DGKI: variants seen among roughly 807,000 people sequenced by gnomAD.
DGKI encodes the protein diacylglycerol kinase iota.
Under a neutral mutation model 147.5 loss-of-function variants are expected in DGKI, and 55 were observed. That is an observed-to-expected ratio of 0.37 (90% CI 0.30 to 0.47). DGKI has a LOEUF of 0.47. Among genes scored for constraint, DGKI ranks in the 20% least tolerant of loss-of-function variants. The probability of loss-of-function intolerance (pLI) is 1.00; values close to 1 mark genes in which losing one functional copy is unlikely to be tolerated. For missense variants in DGKI, 1,007 were observed against 1,323.8 expected (o/e 0.76, Z 3.71); for synonymous variants, 469 against 477.1 (o/e 0.98, Z 0.22).
At chr7:137,579,854 T>A (rs1819127526) in intron 15 of DGKI, among the ~76,000 whole-genome samples, 1 of 152,172 alleles carries the variant, frequency 6.6e-6, no homozygotes, top group Admixed American at 6.5e-5. Flanking sequence ...CATATAAATG[T>A]ACATGTTCAT....
At chr7:137,597,388 T>C (rs1343823090) in intron 12 of DGKI, among the ~76,000 whole-genome samples, 1 of 151,874 alleles carries the variant, frequency 6.6e-6, no homozygotes, top group African/African-American at 2.4e-5. Flanking sequence ...AGAACATAAA[T>C]AGGACCAATT....
chr7:137,395,531 A>G (rs989640969), intron 32 of DGKI, 67 bp downstream of exon 32: 10 of 1,475,712 alleles, frequency 6.8e-6, no homozygotes, highest in Non-Finnish European at 9.5e-6. Context: ...CTATGGTCAC[A>G]AGCAAAGGCA....
chr7:137,764,257 A>T (rs561662231), intron 1 of DGKI, among the ~76,000 whole-genome samples: 26 of 150,526 alleles, frequency 1.7e-4, no homozygotes, highest in South Asian at 1.7e-3. Flanking sequence ...TCCTGAGCAC[A>T]CCAGAATTAT....
At chr7:137,643,027 C>T (rs2129007441) in intron 6 of DGKI, among the ~76,000 whole-genome samples, 1 of 150,284 alleles carries the variant, frequency 6.7e-6, no homozygotes, top group South Asian at 2.1e-4. Context: ...CGCGGTGGCT[C>T]ATGCCTATAA....
intron 2 of DGKI, among the ~76,000 whole-genome samples, chr7:137,689,035 T>C (rs747504597): frequency 5.3e-5 from 8 of 152,322 alleles, no homozygotes; most frequent in Middle Eastern, 3.4e-3. Context: ...AATGCTATAA[T>C]ACAGAGGATA....
intron 19 of DGKI, among the ~76,000 whole-genome samples, chr7:137,555,377 T>A (rs932227583): frequency 6.6e-6 from 1 of 151,814 alleles, no homozygotes; most frequent in South Asian, 2.1e-4. Context: ...AATTTAAAAA[T>A]CAGCTGAGGA....
chr7:137,557,558 G>A (rs1012081204), intron 19 of DGKI, among the ~76,000 whole-genome samples: 3 of 152,108 alleles, frequency 2.0e-5, no homozygotes, highest in Non-Finnish European at 2.9e-5. Context: ...CATACACAAA[G>A]GAACAAGAAA....
chr7:137,558,109 A>T (rs969224206), intron 19 of DGKI, among the ~76,000 whole-genome samples: 3 of 152,198 alleles, frequency 2.0e-5, no homozygotes, highest in Non-Finnish European at 4.4e-5. Flanking sequence ...CTAGTCACCA[A>T]AATGAGAAAT....
chr7:137,592,750 T>C (rs1044706130), intron 12 of DGKI, among the ~76,000 whole-genome samples: 1 of 152,236 alleles, frequency 6.6e-6, no homozygotes, highest in Non-Finnish European at 1.5e-5. Flanking sequence ...CCCTTTTGAA[T>C]ATGTGCACAA....
At chr7:137,656,367 G>T (rs963377743) in intron 4 of DGKI, 99 bp downstream of exon 4, 59 of 1,229,832 alleles carry the variant, frequency 4.8e-5, no homozygotes, top group Non-Finnish European at 5.0e-5. Flanking sequence ...TTTTTTAAGG[G>T]CATTGTTTTC....
intron 28 of DGKI, among the ~76,000 whole-genome samples, chr7:137,441,850 T>C (rs1348171975): frequency 6.6e-6 from 1 of 152,232 alleles, no homozygotes; most frequent in Admixed American, 6.5e-5. Flanking sequence ...TCACCTCTCC[T>C]ACAAGTGTGT....
At chr7:137,738,724 T>A (rs555332393) in intron 1 of DGKI, among the ~76,000 whole-genome samples, 3 of 145,486 alleles carry the variant, frequency 2.1e-5, no homozygotes, top group African/African-American at 5.1e-5. Flanking sequence ...AAGATGAGGT[T>A]CCCCCCCCCC....
intron 6 of DGKI, among the ~76,000 whole-genome samples, chr7:137,628,409 A>G (rs1433491722): frequency 3.3e-5 from 5 of 152,190 alleles, no homozygotes; most frequent in Non-Finnish European, 7.3e-5. Flanking sequence ...CGGGCTTATC[A>G]TCTAACACAG....
chr7:137,818,271 A>C (rs1797795486), intron 1 of DGKI, among the ~76,000 whole-genome samples: 1 of 152,230 alleles, frequency 6.6e-6, no homozygotes, highest in Non-Finnish European at 1.5e-5. Context: ...AAGTTCAATA[A>C]GCATAAACTA....
rs1166840282 is a variant in DGKI at position 137,386,213 on chromosome 7, G to C, written c.*5007C>G. On this transcript the variant is annotated 3_prime_UTR_variant, in exon 33 of 33. Transcript: ENST00000614521. ...AGTAAATCTCAGTGTCCTGGGAGAG[G>C]AGGTTGTCCAAGGGCATGACTCTTT... 6.6e-6 allele frequency: 1 copy of C among 152,070 alleles called. No homozygotes were observed. Among genetic ancestry groups the C allele is most frequent in the Non-Finnish European group, 1.5e-5 (1 of 68,006 alleles). The allele number at this position is 152,070 out of a possible 1,614,324, so 9.4% of individuals were successfully genotyped here. A position where few individuals can be genotyped will look rare whatever the true frequency, so the allele number is the denominator to read the frequency against.
chr7:137,687,187 C>T (rs1823447393), intron 2 of DGKI, among the ~76,000 whole-genome samples: 1 of 152,152 alleles, frequency 6.6e-6, no homozygotes, highest in Admixed American at 6.5e-5. Context: ...GTGGTCAAGA[C>T]CTTCAGAAGC....
intron 17 of DGKI, among the ~76,000 whole-genome samples, chr7:137,574,760 T>C (rs1818913254): frequency 6.6e-6 from 1 of 152,202 alleles, no homozygotes; most frequent in South Asian, 2.1e-4. Context: ...TAAGCTCATA[T>C]ACTGATAAAT....
rs781580130 is a variant in DGKI at position 137,846,161 on chromosome 7, T to TCTCTCTCACACACACACA, written c.401+300_401+301insTGTGTGTGTGTGAGAGAG. Among the ~76,000 whole-genome samples the TCTCTCTCACACACACACA allele has an allele frequency of 5.5e-5, 6 of 108,182 alleles. No homozygotes were observed. The highest frequency in any genetic ancestry group is 9.0e-5 in the Non-Finnish European group (5 of 55,330). The allele number at this position is 108,182 out of a possible 152,430, so 71.0% of individuals were successfully genotyped here. A position where few individuals can be genotyped will look rare whatever the true frequency, so the allele number is the denominator to read the frequency against. ...CTCTCTCTCTCTCTCTCTCTCTCTC[T>TCTCTCTCACACACACACA]CACACACACACACACACACACACAC... is the stretch of plus-strand genomic sequence containing the variant. On this transcript the variant is annotated intron_variant, in intron 1 of 32. Coordinates refer to ENST00000614521, the MANE Select transcript of DGKI (RefSeq NM_001321708.2). The surrounding 1 kb of genome is among the most constrained non-coding windows in gnomAD (Gnocchi z 4.0).
intron 1 of DGKI, chr7:137,843,301 C>T (rs1798601815): frequency 2.5e-6 from 1 of 398,508 alleles, no homozygotes; most frequent in African/African-American, 2.2e-5. Context: ...AGTTCCTACA[C>T]AGTATATAGT....
Sources: allele counts gnomAD v4.1 joint callset (sites outside exome capture counted in the v4.1 genomes callset), GRCh38; gene constraint gnomAD v4.1.1; non-coding constraint Gnocchi (gnomAD v3.1); transcripts MANE v1.5; gene names NCBI Gene and HGNC (gene_info 2026-07-23, HGNC 2026-07-21).